Variants in FBXL7 observed in about 807,000 individuals in gnomAD.
FBXL7 encodes the protein F-box and leucine rich repeat protein 7, also known as F-box/LRR-repeat protein 7.
A neutral mutation model predicts 38.3 loss-of-function variants in FBXL7; 12 were observed. The observed-to-expected ratio is 0.31, with a 90% CI of 0.20 to 0.51. The LOEUF (loss-of-function observed/expected upper bound fraction) is 0.51, where lower values mean the gene tolerates loss of function less well. FBXL7 is among the 20% of genes least tolerant of loss of function. The pLI is 0.98. For missense variants in FBXL7, 567 were observed against 676.4 expected (o/e 0.84, Z 1.79); for synonymous variants, 297 against 300.9 (o/e 0.99, Z 0.13).
At chr5:15,738,894 G>T (rs1735825204) in intron 2 of FBXL7, among the ~76,000 whole-genome samples, 1 of 152,150 alleles carries the variant, frequency 6.6e-6, no homozygotes, top group Non-Finnish European at 1.5e-5. Context: ...GTGGTGCCTG[G>T]GCACCCATGC....
At chr5:15,694,999 A>C (rs1743290577) in intron 2 of FBXL7, among the ~76,000 whole-genome samples, 2 of 152,222 alleles carry the variant, frequency 1.3e-5, no homozygotes, top group South Asian at 4.1e-4. Flanking sequence ...TAACAAGAGC[A>C]TTTAAGCATA....
chr5:15,753,846 T>C (rs1736219446), intron 2 of FBXL7, among the ~76,000 whole-genome samples: 1 of 152,190 alleles, frequency 6.6e-6, no homozygotes, highest in Admixed American at 6.5e-5. Context: ...CCACAAACTA[T>C]GGCATAATAA....
chr5:15,727,954 A>T (rs1455324515), intron 2 of FBXL7, among the ~76,000 whole-genome samples: 1 of 151,914 alleles, frequency 6.6e-6, no homozygotes, highest in East Asian at 1.9e-4. Flanking sequence ...AGTAATTTCC[A>T]TTGCTCTCTC....
At chr5:15,718,858 A>G (rs1014174830) in intron 2 of FBXL7, among the ~76,000 whole-genome samples, 8 of 152,240 alleles carry the variant, frequency 5.3e-5, no homozygotes, top group Non-Finnish European at 8.8e-5. Flanking sequence ...CTTCACCGTC[A>G]TTTTAAGTGG....
rs541047406 is a variant in FBXL7, at chr5:15,520,397, C to A, written c.37+19684C>A. On this transcript the variant is annotated intron_variant, in intron 1 of 3. Transcript: ENST00000504595. ...TACCATAATGAACTTTTTAATAGTTCTAAAGTTGGCGGGGGAGAATTTCAT... is the reference window on the plus strand; with the variant it reads ...TACCATAATGAACTTTTTAATAGTTATAAAGTTGGCGGGGGAGAATTTCAT... 8.5e-5 allele frequency among the ~76,000 whole-genome samples: 13 copies of A among 152,224 alleles called. No homozygotes were observed. In the South Asian group the frequency reaches 2.7e-3, roughly 32 times the overall value.
intron 2 of FBXL7, among the ~76,000 whole-genome samples, chr5:15,625,635 C>T (rs1429033): frequency 0.34 from 51,636 of 152,022 alleles, 9,164 homozygotes; most frequent in East Asian, 0.5. Flanking sequence ...GCCTGGGTGA[C>T]GGAGTGAGAC....
chr5:15,530,593 T>C (rs953480617), intron 1 of FBXL7, among the ~76,000 whole-genome samples: 1 of 152,126 alleles, frequency 6.6e-6, no homozygotes, highest in Non-Finnish European at 1.5e-5. Flanking sequence ...GAAGGACTCA[T>C]AGGACTCAGA....
chr5:15,676,667 T>G (rs948165247), intron 2 of FBXL7, among the ~76,000 whole-genome samples: 1 of 152,220 alleles, frequency 6.6e-6, no homozygotes, highest in South Asian at 2.1e-4. Context: ...TGAGAGGGCA[T>G]CTAGCTTTGG....
At chr5:15,804,255 G>A (rs111673396) in intron 2 of FBXL7, among the ~76,000 whole-genome samples, 1,761 of 152,080 alleles carry the variant, frequency 0.012, 24 homozygotes, top group African/African-American at 0.04. Context: ...TTCTCTTGAG[G>A]CCAGGAGTTT....
intron 2 of FBXL7, among the ~76,000 whole-genome samples, chr5:15,893,228 C>T (rs1406002216): frequency 6.6e-6 from 1 of 152,134 alleles, no homozygotes; most frequent in African/African-American, 2.4e-5. Context: ...CAGTCTCTCC[C>T]ACTAACCATC....
intron 2 of FBXL7, among the ~76,000 whole-genome samples, chr5:15,891,188 C>T (rs575364502): frequency 1.5e-3 from 233 of 152,296 alleles, no homozygotes; most frequent in Non-Finnish European, 3.0e-3. Flanking sequence ...TGTAGGCACT[C>T]AGATATGTCA....
chr5:15,553,985 G>T (rs1347153803), intron 1 of FBXL7, among the ~76,000 whole-genome samples: 8 of 152,122 alleles, frequency 5.3e-5, no homozygotes, highest in Admixed American at 5.2e-4. Flanking sequence ...ACTTTCAAAG[G>T]AGCCACTGAT....
At chr5:15,580,519 G>C in intron 1 of FBXL7, 1 of 583,484 alleles carries the variant, frequency 1.7e-6, no homozygotes, top group Non-Finnish European at 2.2e-6. Context: ...TAAAAACAGA[G>C]TTTTAGTCTC....
chr5:15,929,238 G>A (rs1173402553), intron 3 of FBXL7, among the ~76,000 whole-genome samples: 1 of 152,162 alleles, frequency 6.6e-6, no homozygotes, highest in African/African-American at 2.4e-5. Context: ...TCTTACATCT[G>A]GGTTAATCCT....
chr5:15,567,574 C>T (rs1202124816), intron 1 of FBXL7, among the ~76,000 whole-genome samples: 9 of 151,304 alleles, frequency 5.9e-5, no homozygotes, highest in Non-Finnish European at 1.3e-4. Context: ...TTAAGTCTGT[C>T]TCTTTCTTCT....
intron 2 of FBXL7, among the ~76,000 whole-genome samples, chr5:15,658,193 A>G (rs572997335): frequency 6.6e-5 from 10 of 152,210 alleles, no homozygotes; most frequent in Non-Finnish European, 1.3e-4. Context: ...TATTTTCTCC[A>G]GCTTTAGATC....
At chr5:15,683,543 C>A (rs139626154) in intron 2 of FBXL7, among the ~76,000 whole-genome samples, 1 of 152,100 alleles carries the variant, frequency 6.6e-6, no homozygotes, top group Non-Finnish European at 1.5e-5. Context: ...TCTGGGACAT[C>A]ATAAAGAGGG....
chr5:15,669,932 G>A (rs1195076095), intron 2 of FBXL7, among the ~76,000 whole-genome samples: 1 of 152,152 alleles, frequency 6.6e-6, no homozygotes, highest in African/African-American at 2.4e-5. Flanking sequence ...TGAAATGTGA[G>A]TGGAAGTGAT....
At chr5:15,686,318 T>C (rs765398166) in intron 2 of FBXL7, among the ~76,000 whole-genome samples, 2 of 152,206 alleles carry the variant, frequency 1.3e-5, no homozygotes, top group African/African-American at 2.4e-5. Context: ...TTGTTCATTG[T>C]GTATTTAGAT....
Sources: gnomAD v4.1 joint callset for allele counts (sites outside exome capture counted in the v4.1 genomes callset) on GRCh38, gnomAD v4.1.1 for gene constraint, MANE v1.5 for transcripts, NCBI Gene and HGNC (gene_info 2026-07-23, HGNC 2026-07-21) for gene names.